FLNC: variants seen among roughly 807,000 people sequenced by gnomAD.
FLNC encodes the protein filamin-C.
A neutral mutation model predicts 254.3 loss-of-function variants in FLNC; 91 were observed. The ratio of observed to expected loss-of-function variants is 0.36; its 90% CI spans 0.30 to 0.43. The LOEUF (loss-of-function observed/expected upper bound fraction) is 0.43. Ranked by LOEUF, FLNC falls within the 20% of genes least tolerant of loss-of-function variation. The pLI, the probability that FLNC is intolerant of heterozygous loss-of-function variation, is 1.00. For missense variants in FLNC, 2,853 were observed against 3,802.6 expected, an observed-to-expected ratio of 0.75 and a Z score of 6.57; for synonymous variants, 1,430 against 1,577.2, an observed-to-expected ratio of 0.91 and a Z score of 2.21.
intron 37 of FLNC, 108 bp from the exon 38 acceptor site, chr7:128,853,361 A>G (rs577750085): frequency 2.8e-4 from 400 of 1,405,266 alleles, no homozygotes; most frequent in Non-Finnish European, 3.7e-4. Context: ...AGTGGTCACT[A>G]CACACATCGG....
intron 16 of FLNC, 97 bp downstream of exon 16, chr7:128,843,051 C>A: frequency 6.7e-7 from 1 of 1,493,610 alleles, no homozygotes; most frequent in Non-Finnish European, 9.2e-7. Flanking sequence ...GATGATTCCG[C>A]AGACATGGTG....
rs980259451 is a variant in FLNC at position 128,836,684 on chromosome 7, C to T, written c.602-476C>T. ...TAGAAGGAATAGGGAGTCTCATACC[C>T]TAAGACTGGTGTGGAAAGCGTTTGG... On this transcript the variant is annotated intron_variant, in intron 2 of 47. Coordinates refer to ENST00000325888, the MANE Select transcript of FLNC (RefSeq NM_001458.5). This position sits in a 1 kb window ranked among gnomAD's most constrained non-coding sequence, Gnocchi z 6.0. Among the ~76,000 whole-genome samples the T allele has an allele frequency of 6.6e-6, 1 of 152,204 alleles. No individual in the cohort carries two copies. Among genetic ancestry groups the T allele is most frequent in the Admixed American group, 6.5e-5 (1 of 15,288 alleles).
intron 35 of FLNC, among the ~76,000 whole-genome samples, chr7:128,851,857 G>T (rs1467126054): frequency 6.6e-6 from 1 of 152,196 alleles, no homozygotes; most frequent in African/African-American, 2.4e-5. Flanking sequence ...TTTAGTCTTT[G>T]AAGTCATTTG....
In FLNC at chr7:128,841,327, C is replaced by T. The variant is rs1808324413; in HGVS notation, c.1971C>T (p.His657=). 1.9e-6 allele frequency: 3 copies of T among 1,614,076 alleles called. No homozygotes were observed. The highest frequency in any genetic ancestry group is 2.5e-6 in the Non-Finnish European group (3 of 1,180,016). The change falls in exon 12 of 48, where the codon CAC becomes CAT. Residue 657 remains histidine (H), a synonymous_variant. Coordinates refer to ENST00000325888, the MANE Select transcript of FLNC (RefSeq NM_001458.5). This position sits in a 1 kb window ranked among gnomAD's most constrained non-coding sequence, Gnocchi z 4.3. ...TCCGAGACTCACCCTTCATTGCCCA[C>T]ATCCTGCCCGCCCCACCTGACTGCT... The part of the protein sequence containing the change: ...EDIRDSPFIA[H]ILPAPPDCFP...
chr7:128,854,257 G>A, intron 40 of FLNC, 41 bp downstream of exon 40: 1 of 1,604,538 alleles, frequency 6.2e-7, no homozygotes, highest in Non-Finnish European at 8.5e-7. Context: ...CTCACGGCGG[G>A]ATGGGAGGGT....
chr7:128,846,660 C>T, intron 23 of FLNC, 85 bp from the exon 24 acceptor site: 1 of 1,461,640 alleles, frequency 6.8e-7, no homozygotes, highest in East Asian at 2.3e-5. Flanking sequence ...GGCCTGCCCT[C>T]TTTCCTCCCT....
chr7:128,854,522 G>A lies in FLNC; in HGVS notation c.6837G>A (p.Val2279=). 1 of 1,606,088 alleles carries A rather than the reference G, an allele frequency of 6.2e-7. No homozygotes were observed. The highest frequency in any genetic ancestry group is 8.5e-7 in the Non-Finnish European group (1 of 1,176,834). ...ACAGCGCCTACAGCGTGCGCTTTGT[G>A]CCCCAGGAAATGGGGCCCCATACGG... The part of the protein sequence containing the change: ...GEDSAYSVRF[V]PQEMGPHTVA... The change falls in exon 41 of 48, where the codon GTG becomes GTA. Residue 2279 remains valine (V), a synonymous_variant. Transcript: ENST00000325888.
At chr7:128,840,813 A>T in intron 10 of FLNC, 21 bp from the exon 11 acceptor site, 1 of 1,613,552 alleles carries the variant, frequency 6.2e-7, no homozygotes, top group Non-Finnish European at 8.5e-7. Flanking sequence ...TGGCATGGAC[A>T]CCAGCTCCCT....
In FLNC at chr7:128,844,765, G is replaced by A. The variant is rs1313856787; in HGVS notation, c.3300G>A (p.Glu1100=). The part of the protein sequence containing the change: ...AGTGGLGLTV[E]GPCEAKIECQ... ...CAGGTGGCCTGGGGCTGACCGTAGA[G>A]GGCCCCTGCGAGGCCAAGATCGAGT... The change falls in exon 21 of 48, where the codon GAG becomes GAA. Residue 1100 remains glutamate, a synonymous_variant. Coordinates refer to ENST00000325888, the MANE Select transcript of FLNC (RefSeq NM_001458.5). The A allele has an allele frequency of 2.5e-6, 4 of 1,613,920 alleles. No homozygotes were observed. The African/African-American group carries it at 5.3e-5, about 22-fold the overall frequency.
intron 16 of FLNC, 127 bp downstream of exon 16, chr7:128,843,081 C>A: frequency 1.4e-6 from 2 of 1,388,356 alleles, no homozygotes; most frequent in Non-Finnish European, 2.0e-6. Context: ...CTGTGTGAGG[C>A]AGGGTGCCTC....
At position 128,841,023 on chromosome 7, in the gene FLNC, G is replaced by A; in HGVS notation, c.1813+53G>A. On this transcript the variant is annotated intron_variant, in intron 11 of 47. Transcript: ENST00000325888. This position sits in a 1 kb window ranked among gnomAD's most constrained non-coding sequence, Gnocchi z 4.3. Reference sequence around the variant, plus strand: ...AGTGCTGCGGGGGAGGGCAGCAGGGGACACTGTGGGTAATGGGTGCAGTGC... The same window carrying A: ...AGTGCTGCGGGGGAGGGCAGCAGGGAACACTGTGGGTAATGGGTGCAGTGC... 6.4e-7 allele frequency: 1 copy of A among 1,570,104 alleles called. No individual in the cohort carries two copies. The highest frequency in any genetic ancestry group is 8.7e-7 in the Non-Finnish European group (1 of 1,154,954).
At chr7:128,843,948 G>C (rs201396075) in intron 19 of FLNC, 35 bp downstream of exon 19, 1 of 1,613,932 alleles carries the variant, frequency 6.2e-7, no homozygotes, top group South Asian at 1.1e-5. Flanking sequence ...GGAGTGAGGG[G>C]TATTCGGGTA....
chr7:128,834,084 G>A (rs368104584), intron 1 of FLNC, among the ~76,000 whole-genome samples: 23 of 152,262 alleles, frequency 1.5e-4, no homozygotes, highest in African/African-American at 5.5e-4. Flanking sequence ...GAGAAGATGT[G>A]TAAGGGGAAG....
At chr7:128,838,953 C>T (rs938102697) in intron 8 of FLNC, 150 bp downstream of exon 8, 17 of 694,752 alleles carry the variant, frequency 2.4e-5, no homozygotes, top group Non-Finnish European at 3.9e-5. Context: ...CCTAAGAGCA[C>T]AGCTGGGAGG....
chr7:128,854,355 G>A, intron 40 of FLNC, 58 bp from the exon 41 acceptor site: 1 of 1,596,278 alleles, frequency 6.3e-7, no homozygotes, highest in Non-Finnish European at 8.5e-7. Flanking sequence ...ATGGGGGAGG[G>A]AAGGGCCAGG....
At chr7:128,831,465 C>T (rs1807889656) in intron 1 of FLNC, among the ~76,000 whole-genome samples, 1 of 152,214 alleles carries the variant, frequency 6.6e-6, no homozygotes, top group Non-Finnish European at 1.5e-5. Context: ...AACCACTGCC[C>T]GCGTCTGCGG....
At chr7:128,847,085 T>C (rs1301210502) in intron 24 of FLNC, among the ~76,000 whole-genome samples, 180 bp downstream of exon 24, 3 of 152,226 alleles carry the variant, frequency 2.0e-5, no homozygotes, top group Non-Finnish European at 4.4e-5. Flanking sequence ...CAATGAGGGT[T>C]GATGTGACAG....
chr7:128,846,204 A>AGGGCCGGGCAC, intron 22 of FLNC, 41 bp downstream of exon 22: 1 of 1,475,598 alleles, frequency 6.8e-7, no homozygotes, highest in Non-Finnish European at 9.0e-7. Flanking sequence ...GGGCTGGGCA[A>AGGGCCGGGCAC]GTGGGCAGGG....
Position 128,858,814 on chromosome 7 carries a change from C to T in FLNC, c.*291C>T, listed in dbSNP as rs1016081237. Reference sequence around the variant, plus strand: ...GGACACAAGGGGCTGGCGAGGGCTGCGAGGCCAGGGAAGCCCTGAGTTTCT... The same window carrying T: ...GGACACAAGGGGCTGGCGAGGGCTGTGAGGCCAGGGAAGCCCTGAGTTTCT... On this transcript the variant is annotated 3_prime_UTR_variant, in exon 48 of 48. Coordinates refer to ENST00000325888, the MANE Select transcript of FLNC (RefSeq NM_001458.5). This position sits in a 1 kb window ranked among gnomAD's most constrained non-coding sequence, Gnocchi z 6.7. 4 of 492,448 alleles carry T rather than the reference C, an allele frequency of 8.1e-6. No homozygotes were observed. The highest frequency in any genetic ancestry group is 1.5e-5 in the Non-Finnish European group (4 of 269,162). The allele number at this position is 492,448 out of a possible 1,614,324, so 30.5% of individuals were successfully genotyped here. A position where few individuals can be genotyped will look rare whatever the true frequency, so the allele number is the denominator to read the frequency against.
Sources: allele counts gnomAD v4.1 joint callset (sites outside exome capture counted in the v4.1 genomes callset), GRCh38; gene constraint gnomAD v4.1.1; non-coding constraint Gnocchi (gnomAD v3.1); transcripts MANE v1.5; gene names NCBI Gene and HGNC (gene_info 2026-07-23, HGNC 2026-07-21).